Variants in CNTN4 observed in about 807,000 individuals in gnomAD.
The protein encoded by CNTN4 is contactin 4.
In CNTN4, 77 loss-of-function variants were observed where a neutral mutation model predicts 122.5. The observed-to-expected ratio is 0.63, with a 90% CI of 0.52 to 0.76. The LOEUF (loss-of-function observed/expected upper bound fraction) is 0.76, where lower values mean the gene tolerates loss of function less well. Among genes scored for constraint, CNTN4 ranks in the 30% least tolerant of loss-of-function variants. The pLI is 0.00. For synonymous variants in CNTN4, 512 were observed against 447.0 expected (o/e 1.15, Z -1.83); for missense variants, 1,256 against 1,259.1 (o/e 1.00, Z 0.04).
At chr3:2,806,901 ACTT>A (rs1255982965) in intron 6 of CNTN4, among the ~76,000 whole-genome samples, 2 of 151,952 alleles carry the variant, frequency 1.3e-5, no homozygotes, top group Non-Finnish European at 2.9e-5. Context: ...CTTTTATATT[ACTT>A]CTTCTTTTCA....
At chr3:2,573,155 G>A (rs767801479) in intron 4 of CNTN4, among the ~76,000 whole-genome samples, 1 of 152,194 alleles carries the variant, frequency 6.6e-6, no homozygotes, top group Non-Finnish European at 1.5e-5. Context: ...TCTTTTAGTT[G>A]TCTTGAGGAT....
intron 4 of CNTN4, among the ~76,000 whole-genome samples, chr3:2,579,318 G>A (rs2079833045): frequency 1.3e-5 from 2 of 152,218 alleles, no homozygotes; most frequent in African/African-American, 4.8e-5. Context: ...CAACCTGTGT[G>A]ATCATTCTCT....
intron 6 of CNTN4, among the ~76,000 whole-genome samples, chr3:2,786,339 C>T (rs574193682): frequency 4.1e-4 from 62 of 152,270 alleles, no homozygotes; most frequent in African/African-American, 1.1e-3. Flanking sequence ...ACATACCTTC[C>T]GGGGCTCCGG....
chr3:2,586,791 G>T (rs769340747), intron 4 of CNTN4, among the ~76,000 whole-genome samples: 2 of 152,130 alleles, frequency 1.3e-5, no homozygotes, highest in Non-Finnish European at 2.9e-5. Context: ...CCACACTGTA[G>T]TGATTTCTGC....
At chr3:2,514,088 G>T (rs2076970701) in intron 3 of CNTN4, among the ~76,000 whole-genome samples, 2 of 152,160 alleles carry the variant, frequency 1.3e-5, no homozygotes, top group African/African-American at 2.4e-5. Context: ...CAAGTGGAAA[G>T]AATTTTGTAA....
chr3:2,512,241 A>C (rs2076908540), intron 3 of CNTN4, among the ~76,000 whole-genome samples: 1 of 150,060 alleles, frequency 6.7e-6, no homozygotes, highest in South Asian at 2.1e-4. Context: ...ACTGTTTGGA[A>C]TATTTGCAAA....
At chr3:2,254,632 A>G (rs9855856) in intron 2 of CNTN4, among the ~76,000 whole-genome samples, 3,440 of 152,244 alleles carry the variant, frequency 0.023, 136 homozygotes, top group African/African-American at 0.078. Context: ...TGCATTCTCT[A>G]ATGACCAGGG....
At chr3:2,782,490 TG>T (rs1356214958) in intron 6 of CNTN4, among the ~76,000 whole-genome samples, 2 of 151,002 alleles carry the variant, frequency 1.3e-5, no homozygotes, top group African/African-American at 4.9e-5. Context: ...TGTGTGTGTG[TG>T]TGTGTGTGTG....
Position 2,173,221 on chromosome 3 carries a change from A to C in CNTN4, c.-145+72582A>C, listed in dbSNP as rs571400812. 2.0e-5 allele frequency among the ~76,000 whole-genome samples: 3 copies of C among 152,338 alleles called. No individual in the cohort carries two copies. The South Asian group carries it at 6.2e-4, about 32-fold the overall frequency. Reference sequence around the variant, plus strand: ...ACTCCTAACGAGGACACAGTGATCAACTGAGCAAACAGACCATTTGGCTTG... The same window carrying C: ...ACTCCTAACGAGGACACAGTGATCACCTGAGCAAACAGACCATTTGGCTTG... On this transcript the variant is annotated intron_variant, in intron 2 of 24. Transcript: ENST00000418658.
chr3:2,152,323 G>A (rs2035528581), intron 2 of CNTN4, among the ~76,000 whole-genome samples: 1 of 152,178 alleles, frequency 6.6e-6, no homozygotes, highest in Admixed American at 6.5e-5. Flanking sequence ...AGTGATAAGA[G>A]GTGGCATCAG....
At position 2,828,637 on chromosome 3, in the gene CNTN4, C is replaced by A. The variant is rs368956981; in HGVS notation, c.454+9056C>A. Among the ~76,000 whole-genome samples, 115 of 152,230 alleles carry A rather than the reference C, an allele frequency of 7.6e-4. 2 individuals are homozygous for A. Among genetic ancestry groups the A allele is most frequent in the Middle Eastern group, 6.8e-3 (2 of 294 alleles). ...TTTATATATTCACTTAAGTAGATAT[C>A]TATCTCAATTCAGAGGGGAAAGCTT... On this transcript the variant is annotated intron_variant, in intron 7 of 24. Transcript: ENST00000418658.
chr3:2,395,665 G>A (rs1010190757), intron 3 of CNTN4, among the ~76,000 whole-genome samples: 3 of 152,050 alleles, frequency 2.0e-5, no homozygotes, highest in Admixed American at 1.3e-4. Context: ...TGCACCCAGC[G>A]TCTAGCTCCC....
At chr3:2,633,514 A>G (rs1007183875) in intron 4 of CNTN4, among the ~76,000 whole-genome samples, 2 of 152,250 alleles carry the variant, frequency 1.3e-5, no homozygotes, top group African/African-American at 4.8e-5. Context: ...ACGTTTATAC[A>G]GAAAGTCAAG....
chr3:2,397,063 G>A (rs1236773703), intron 3 of CNTN4, among the ~76,000 whole-genome samples: 1 of 152,186 alleles, frequency 6.6e-6, no homozygotes, highest in Non-Finnish European at 1.5e-5. Flanking sequence ...TTTCATAGAT[G>A]CTAAAGCAAA....
At chr3:2,335,092 A>G (rs1575402184) in intron 2 of CNTN4, among the ~76,000 whole-genome samples, 1 of 152,088 alleles carries the variant, frequency 6.6e-6, no homozygotes, top group Non-Finnish European at 1.5e-5. Context: ...TTGCGAGTAC[A>G]TTTATGTTGA....
At chr3:2,812,063 G>A (rs536278546) in intron 6 of CNTN4, among the ~76,000 whole-genome samples, 1 of 152,204 alleles carries the variant, frequency 6.6e-6, no homozygotes, top group African/African-American at 2.4e-5. Context: ...CTTACAAGTC[G>A]GAGCTAAGAT....
intron 12 of CNTN4, among the ~76,000 whole-genome samples, chr3:2,920,376 A>C (rs2094416640): frequency 8.3e-6 from 1 of 120,272 alleles, no homozygotes; most frequent in South Asian, 2.7e-4. Flanking sequence ...ATAGTTCCCT[A>C]TCTCAGTTTC....
chr3:2,313,597 G>A (rs1206806752), intron 2 of CNTN4, among the ~76,000 whole-genome samples: 12 of 152,080 alleles, frequency 7.9e-5, no homozygotes, highest in African/African-American at 2.4e-4. Context: ...TATCAGGGCC[G>A]GAGGTGGGGT....
At chr3:2,127,203 C>T (rs1333766722) in intron 2 of CNTN4, among the ~76,000 whole-genome samples, 2 of 152,138 alleles carry the variant, frequency 1.3e-5, no homozygotes, top group African/African-American at 4.8e-5. Context: ...TGTGGATCAG[C>T]TGCCCTTTGT....
Sources: allele counts gnomAD v4.1 joint callset (sites outside exome capture counted in the v4.1 genomes callset), GRCh38; gene constraint gnomAD v4.1.1; transcripts MANE v1.5; gene names NCBI Gene and HGNC (gene_info 2026-07-23, HGNC 2026-07-21).